Variants in AK8 observed in about 807,000 individuals in gnomAD.
AK8 encodes ATP-AMP transphosphorylase 8.
A neutral mutation model predicts 54.6 loss-of-function variants in AK8; 44 were observed. That is an observed-to-expected ratio of 0.81 (90% confidence interval 0.63 to 1.04). AK8 has a LOEUF of 1.04. Among genes scored for constraint, AK8 ranks in the 50% least tolerant of loss-of-function variants. The probability of loss-of-function intolerance (pLI) is 0.00; values close to 1 mark genes in which losing one functional copy is unlikely to be tolerated. For missense variants in AK8, 555 were observed against 613.6 expected, an observed-to-expected ratio of 0.90 and a Z score of 1.01; for synonymous variants, 239 against 245.6, an observed-to-expected ratio of 0.97 and a Z score of 0.25.
chr9:132,859,735 C>T (rs1192287668), intron 4 of AK8, among the ~76,000 whole-genome samples: 1 of 151,700 alleles, frequency 6.6e-6, no homozygotes. Context: ...GGCTTAGAGA[C>T]AGGGCCAGAG....
intron 10 of AK8, among the ~76,000 whole-genome samples, chr9:132,800,290 T>G (rs1329446072): frequency 6.6e-6 from 1 of 152,176 alleles, no homozygotes; most frequent in Non-Finnish European, 1.5e-5. Context: ...CGCCAGGTGT[T>G]TCTGTTGGTG....
At chr9:132,828,618 G>T (rs1271757853) in intron 6 of AK8, 27 bp downstream of exon 6, 10 of 1,599,846 alleles carry the variant, frequency 6.3e-6, no homozygotes, top group Non-Finnish European at 7.7e-6. Context: ...AGCTCTGGCA[G>T]GTGGGGGACC....
intron 10 of AK8, among the ~76,000 whole-genome samples, chr9:132,807,053 T>A (rs1840756637): frequency 6.6e-6 from 1 of 152,208 alleles, no homozygotes; most frequent in Non-Finnish European, 1.5e-5. Flanking sequence ...ATACCAGGAC[T>A]TTCGCTTTTA....
At position 132,866,793 on chromosome 9, in the gene AK8, AAAG is replaced by A. The variant is rs147319782; in HGVS notation, c.219+108_219+110del. ...TTTGTAATAAGAAGGAGGAGAAGGA[AAAG>A]AAGAAAAGCTCAGTTATGCTACAAA... On this transcript the variant is annotated intron_variant, in intron 3 of 12. Transcript: ENST00000298545. 4.8e-3 allele frequency: 5,140 copies of A among 1,070,552 alleles called. 146 individuals are homozygous for A. The African/African-American group carries it at 0.068, about 14-fold the overall frequency. The allele number at this position is 1,070,552 out of a possible 1,614,324, so 66.3% of individuals were successfully genotyped here.
chr9:132,840,754 G>T (rs993682101), intron 5 of AK8, among the ~76,000 whole-genome samples: 5 of 152,084 alleles, frequency 3.3e-5, no homozygotes, highest in Non-Finnish European at 5.9e-5. Context: ...TTAGTCAGTT[G>T]TGGTGGCACA....
At chr9:132,843,213 T>C (rs1588201740) in intron 5 of AK8, among the ~76,000 whole-genome samples, 1 of 152,074 alleles carries the variant, frequency 6.6e-6, no homozygotes, top group East Asian at 1.9e-4. Context: ...TGGGGGCGGG[T>C]CCCTCATGGT....
intron 11 of AK8, among the ~76,000 whole-genome samples, chr9:132,774,264 G>T (rs777280998): frequency 1.3e-5 from 2 of 152,268 alleles, no homozygotes; most frequent in Middle Eastern, 3.4e-3. Context: ...CTGCTCATGG[G>T]GGGGTTGGGG....
intron 5 of AK8, among the ~76,000 whole-genome samples, chr9:132,854,539 C>T (rs1233550946): frequency 2.6e-5 from 4 of 152,210 alleles, no homozygotes; most frequent in African/African-American, 7.2e-5. Context: ...CAGTCCCTGG[C>T]GCCTCACCAT....
intron 10 of AK8, among the ~76,000 whole-genome samples, chr9:132,800,370 C>T (rs11243916): frequency 0.13 from 19,580 of 152,202 alleles, 1,729 homozygotes; most frequent in African/African-American, 0.24. Flanking sequence ...AAGTGAACGC[C>T]GCCAGCAACG....
At chr9:132,810,450 A>T (rs1402216833) in intron 10 of AK8, among the ~76,000 whole-genome samples, 1 of 152,186 alleles carries the variant, frequency 6.6e-6, no homozygotes, top group Non-Finnish European at 1.5e-5. Flanking sequence ...TTAGTGGTGG[A>T]TGAATTAAGC....
chr9:132,777,309 A>G (rs545449560), intron 11 of AK8, among the ~76,000 whole-genome samples: 1 of 152,258 alleles, frequency 6.6e-6, no homozygotes, highest in South Asian at 2.1e-4. Context: ...GCCTCCCCGC[A>G]TCATCCCATT....
chr9:132,797,803 C>T (rs1412551635), intron 10 of AK8, among the ~76,000 whole-genome samples: 1 of 152,154 alleles, frequency 6.6e-6, no homozygotes, highest in Non-Finnish European at 1.5e-5. Flanking sequence ...ACACAATCTC[C>T]CCCGAAGGCC....
At chr9:132,868,945 G>A (rs932942227) in intron 2 of AK8, among the ~76,000 whole-genome samples, 6 of 152,138 alleles carry the variant, frequency 3.9e-5, no homozygotes, top group Non-Finnish European at 5.9e-5. Context: ...TTGGGAGGCC[G>A]AGATGGGCGG....
chr9:132,763,639 G>GT (rs1283926774), intron 11 of AK8, among the ~76,000 whole-genome samples: 2 of 152,210 alleles, frequency 1.3e-5, no homozygotes, highest in African/African-American at 4.8e-5. Context: ...CAATCCAGTT[G>GT]TTTTTGTACC....
At chr9:132,764,901 A>G (rs7034816) in intron 11 of AK8, among the ~76,000 whole-genome samples, 4,174 of 152,340 alleles carry the variant, frequency 0.027, 191 homozygotes, top group African/African-American at 0.095. Context: ...ACAAAGATAC[A>G]GCAAAAAAAG....
intron 11 of AK8, among the ~76,000 whole-genome samples, chr9:132,773,768 C>A (rs1839080633): frequency 6.6e-6 from 1 of 152,166 alleles, no homozygotes; most frequent in Non-Finnish European, 1.5e-5. Flanking sequence ...TGCTTCCCAT[C>A]ACGAGAAAAA....
At position 132,761,834 on chromosome 9, in the gene AK8, CTCTT is replaced by C. The variant is rs147397441; in HGVS notation, c.1121+30796_1121+30799del. 5.2e-3 allele frequency among the ~76,000 whole-genome samples: 786 copies of C among 151,206 alleles called. 12 individuals carry two copies. The highest frequency in any genetic ancestry group is 0.018 in the African/African-American group (759 of 41,192). On this transcript the variant is annotated intron_variant, in intron 11 of 12. Transcript: ENST00000298545. Reference sequence around the variant, plus strand: ...TCCTTCTCTCTCTCTCCCTCTCTCTCTCTTTCTTTCTTCTTTTCTTTTCTTCCTC... The same window carrying C: ...TCCTTCTCTCTCTCTCCCTCTCTCTCTCTTTCTTCTTTTCTTTTCTTCCTC...
At chr9:132,776,197 C>T (rs1274318558) in intron 11 of AK8, among the ~76,000 whole-genome samples, 2 of 152,180 alleles carry the variant, frequency 1.3e-5, no homozygotes, top group Non-Finnish European at 2.9e-5. Flanking sequence ...GATTAAAATG[C>T]TACAACTCTA....
Position 132,773,982 on chromosome 9 carries a change from G to A in AK8, c.1121+18652C>T, listed in dbSNP as rs151278244. On this transcript the variant is annotated intron_variant, in intron 11 of 12. Coordinates refer to ENST00000298545, the MANE Select transcript of AK8 (RefSeq NM_152572.3). ...GTGTGCTAAGGTGTAGGGGGGAGAC[G>A]GGAGTGGTAGATAGGAAAGAGAGGA... 3.0e-3 allele frequency among the ~76,000 whole-genome samples: 459 copies of A among 152,214 alleles called. 2 individuals carry two copies. Among genetic ancestry groups the A allele is most frequent in the African/African-American group, 0.01 (428 of 41,504 alleles).
Sources: allele counts gnomAD v4.1 joint callset (sites outside exome capture counted in the v4.1 genomes callset), GRCh38; gene constraint gnomAD v4.1.1; transcripts MANE v1.5; gene names NCBI Gene and HGNC (gene_info 2026-07-23, HGNC 2026-07-21).